Variants in HP1BP3 observed in about 807,000 individuals in gnomAD.
HP1BP3 encodes the protein heterochromatin protein 1 binding protein 3.
HP1BP3 carries 12 observed loss-of-function variants against 62.5 expected under a neutral mutation model. The observed-to-expected ratio is 0.19, with a 90% CI of 0.12 to 0.31. The LOEUF is 0.31. HP1BP3 is among the 10% of genes least tolerant of loss of function. The probability of loss-of-function intolerance (pLI) is 1.00; values close to 1 mark genes in which losing one functional copy is unlikely to be tolerated. For missense variants in HP1BP3, 502 were observed against 651.8 expected, an observed-to-expected ratio of 0.77 and a Z score of 2.50; for synonymous variants, 260 against 237.8, an observed-to-expected ratio of 1.09 and a Z score of -0.86.
intron 4 of HP1BP3, chr1:20,775,815 G>T: frequency 1.5e-6 from 1 of 645,944 alleles, no homozygotes; most frequent in South Asian, 3.1e-5. Flanking sequence ...TAAAGCCTAG[G>T]TATGTAGTAG....
chr1:20,758,441 G>T (rs971599538), intron 8 of HP1BP3, among the ~76,000 whole-genome samples: 1 of 151,986 alleles, frequency 6.6e-6, no homozygotes, highest in Non-Finnish European at 1.5e-5. Flanking sequence ...CGCCCCCTCA[G>T]GTTCAAGTGA....
Position 20,747,583 on chromosome 1 carries a change from A to T in HP1BP3, c.1214T>A (p.Phe405Tyr). 6.2e-7 allele frequency: 1 copy of T among 1,613,760 alleles called. No homozygotes were observed. Among genetic ancestry groups the T allele is most frequent in the Non-Finnish European group, 8.5e-7 (1 of 1,179,774 alleles). ...GWMEQISGKG[F>Y]SGTFQLCFPY... ...AAAACAGAGCTGGAAGGTGCCACTG[A>T]ACCCTTTCCCAGAGATCTGTTCCAT... is the stretch of plus-strand genomic sequence containing the variant. The change falls in exon 11 of 13, where the codon TTC becomes TAC. Residue 405 changes from phenylalanine (F) to tyrosine (Y), a missense_variant. Coordinates refer to ENST00000438032, the MANE Select transcript of HP1BP3 (RefSeq NM_001372052.1).
At chr1:20,760,729 G>T (rs144681135) in intron 8 of HP1BP3, among the ~76,000 whole-genome samples, 4 of 151,972 alleles carry the variant, frequency 2.6e-5, no homozygotes, top group Non-Finnish European at 4.4e-5. Flanking sequence ...CCAGCTACTC[G>T]GGAGGCTGAG....
intron 1 of HP1BP3, among the ~76,000 whole-genome samples, chr1:20,782,615 C>T (rs903060383): frequency 2.7e-5 from 4 of 147,414 alleles, no homozygotes; most frequent in Admixed American, 6.8e-5. Context: ...AAAAAAAACA[C>T]AAAAGGGCCA....
chr1:20,755,415 T>C (rs772949919), intron 9 of HP1BP3: 14 of 451,542 alleles, frequency 3.1e-5, no homozygotes, highest in South Asian at 1.2e-4. Context: ...CTACAAAAAA[T>C]ACAAAAATTA....
At chr1:20,771,116 A>T in intron 5 of HP1BP3, 43 bp from the exon 6 acceptor site, 1 of 1,432,484 alleles carries the variant, frequency 7.0e-7, no homozygotes, top group Non-Finnish European at 9.6e-7. Flanking sequence ...TTTATTAGAT[A>T]GAGCCTGACA....
intron 4 of HP1BP3, chr1:20,774,350 ACACACACACACAAACACACC>A (rs1557667572): frequency 1.3e-5 from 2 of 151,634 alleles, no homozygotes; most frequent in Admixed American, 1.3e-4. Flanking sequence ...TTAAACACAC[ACACACACACACAAACACACC>A]CACACCCACA....
At chr1:20,764,348 T>C (rs777837689) in intron 8 of HP1BP3, among the ~76,000 whole-genome samples, 7 of 151,624 alleles carry the variant, frequency 4.6e-5, no homozygotes, top group South Asian at 2.1e-4. Context: ...TTTACTCTTA[T>C]GGTTTTTTTT....
chr1:20,778,742 T>C (rs1450708412), intron 3 of HP1BP3, among the ~76,000 whole-genome samples: 1 of 152,092 alleles, frequency 6.6e-6, no homozygotes, highest in Non-Finnish European at 1.5e-5. Flanking sequence ...TGGTTATTGA[T>C]GTCTGCCCTG....
In HP1BP3 at chr1:20,742,378, A is replaced by T. The variant is rs2055106893; in HGVS notation, c.*2419T>A. 6.6e-6 allele frequency among the ~76,000 whole-genome samples: 1 copy of T among 152,228 alleles called. No individual in the cohort carries two copies. Among genetic ancestry groups the T allele is most frequent in the Non-Finnish European group, 1.5e-5 (1 of 68,030 alleles). On this transcript the variant is annotated 3_prime_UTR_variant, in exon 13 of 13. Transcript: ENST00000438032. ...GTAATTTTTTCTAGTCCAAGGACTTATCTGAATATTGAACATTTATTGAAC... is the reference window on the plus strand; with the variant it reads ...GTAATTTTTTCTAGTCCAAGGACTTTTCTGAATATTGAACATTTATTGAAC...
intron 1 of HP1BP3, among the ~76,000 whole-genome samples, chr1:20,783,037 AG>A (rs556390282): frequency 2.2e-4 from 33 of 151,792 alleles, no homozygotes; most frequent in African/African-American, 6.0e-4. Flanking sequence ...GCCAGTGTCC[AG>A]GAGTTCCAGG....
intron 8 of HP1BP3, among the ~76,000 whole-genome samples, chr1:20,761,300 C>A (rs1036465044): frequency 6.6e-6 from 1 of 152,124 alleles, no homozygotes; most frequent in Admixed American, 6.6e-5. Context: ...ACCTGCCTCC[C>A]AAAGTGCTGG....
intron 6 of HP1BP3, among the ~76,000 whole-genome samples, chr1:20,770,137 C>T (rs1303688790): frequency 1.3e-5 from 2 of 152,168 alleles, no homozygotes; most frequent in Non-Finnish European, 2.9e-5. Flanking sequence ...CTGAAATCAA[C>T]ATTTGTTCTA....
chr1:20,780,284 A>G (rs2057485726), intron 2 of HP1BP3, 61 bp downstream of exon 2: 5 of 1,207,740 alleles, frequency 4.1e-6, no homozygotes, highest in Non-Finnish European at 6.2e-6. Flanking sequence ...AGAAGGACCC[A>G]GCAGGGCCTG....
intron 8 of HP1BP3, among the ~76,000 whole-genome samples, chr1:20,764,084 C>T (rs1316897697): frequency 6.6e-6 from 1 of 152,094 alleles, no homozygotes; most frequent in African/African-American, 2.4e-5. Context: ...TTCTTCTTCC[C>T]AACACATATA....
chr1:20,756,104 TGA>T (rs897810838), intron 9 of HP1BP3, among the ~76,000 whole-genome samples: 14 of 152,180 alleles, frequency 9.2e-5, no homozygotes, highest in Non-Finnish European at 1.9e-4. Context: ...TGAAAATCAC[TGA>T]GTTATAAACT....
chr1:20,777,866 C>T (rs1322060325), intron 3 of HP1BP3, among the ~76,000 whole-genome samples: 2 of 152,244 alleles, frequency 1.3e-5, no homozygotes, highest in African/African-American at 4.8e-5. Context: ...GAATTCTCTG[C>T]TTCTAGAATT....
chr1:20,747,763 T>C (rs988248249), intron 10 of HP1BP3, 108 bp from the exon 11 acceptor site: 13 of 664,420 alleles, frequency 2.0e-5, no homozygotes, highest in Admixed American at 1.3e-4. Flanking sequence ...CATACGGTAA[T>C]TGACATACAC....
chr1:20,787,112 C>T (rs1483558267), intron 1 of HP1BP3, 83 bp downstream of exon 1: 6 of 151,546 alleles, frequency 4.0e-5, no homozygotes, highest in East Asian at 2.0e-4. Flanking sequence ...GTCGGCGCCC[C>T]GGGCGAGCGG....
Sources: gnomAD v4.1 joint callset for allele counts (sites outside exome capture counted in the v4.1 genomes callset) on GRCh38, gnomAD v4.1.1 for gene constraint, MANE v1.5 for transcripts, NCBI Gene and HGNC (gene_info 2026-07-23, HGNC 2026-07-21) for gene names.